Variants in UNC13C observed in about 807,000 individuals in gnomAD.
UNC13C encodes the protein protein unc-13 homolog C.
Under a neutral mutation model 245.4 loss-of-function variants are expected in UNC13C, and 174 were observed. That is an observed-to-expected ratio of 0.71 (90% CI 0.63 to 0.80). The LOEUF (loss-of-function observed/expected upper bound fraction) is 0.80, where lower values mean the gene tolerates loss of function less well. Among genes scored for constraint, UNC13C ranks in the 30% least tolerant of loss-of-function variants. UNC13C has a pLI of 0.00. For synonymous variants in UNC13C, 992 were observed against 895.1 expected, an observed-to-expected ratio of 1.11 and a Z score of -1.93; for missense variants, 2,829 against 2,602.9, an observed-to-expected ratio of 1.09 and a Z score of -1.89.
At chr15:54,099,604 A>AG (rs1900058736) in intron 2 of UNC13C, among the ~76,000 whole-genome samples, 1 of 152,154 alleles carries the variant, frequency 6.6e-6, no homozygotes, top group African/African-American at 2.4e-5. Flanking sequence ...TCAGAGGAGA[A>AG]GCCCATCATC....
chr15:54,304,074 C>A (rs1258343562), intron 13 of UNC13C, among the ~76,000 whole-genome samples: 1 of 151,734 alleles, frequency 6.6e-6, no homozygotes, highest in South Asian at 2.1e-4. Flanking sequence ...TGTAAAGGGC[C>A]AGATAGTAAA....
chr15:54,613,510 T>C (rs1900237162), intron 30 of UNC13C, among the ~76,000 whole-genome samples: 1 of 152,034 alleles, frequency 6.6e-6, no homozygotes, highest in African/African-American at 2.4e-5. Context: ...TGTACAATGA[T>C]ACTCATAATA....
At chr15:54,409,930 C>T (rs1440334673) in intron 18 of UNC13C, among the ~76,000 whole-genome samples, 4 of 152,264 alleles carry the variant, frequency 2.6e-5, no homozygotes, top group East Asian at 3.9e-4. Flanking sequence ...TTGTATTTTA[C>T]GTTCTTTGAG....
chr15:54,068,227 A>G (rs1306252403), intron 2 of UNC13C, among the ~76,000 whole-genome samples: 3 of 152,168 alleles, frequency 2.0e-5, no homozygotes, highest in Admixed American at 1.3e-4. Context: ...TGATTCATAG[A>G]CACTTTGAAA....
At chr15:54,249,311 G>T (rs1183623502) in intron 7 of UNC13C, among the ~76,000 whole-genome samples, 2 of 151,848 alleles carry the variant, frequency 1.3e-5, no homozygotes, top group African/African-American at 2.4e-5. Context: ...GACTACTTCT[G>T]TTATCATTAT....
At chr15:54,285,626 A>C (rs1555444120) in intron 10 of UNC13C, among the ~76,000 whole-genome samples, 1 of 152,176 alleles carries the variant, frequency 6.6e-6, no homozygotes, top group Non-Finnish European at 1.5e-5. Flanking sequence ...GTTTCTGCTG[A>C]TGATTTTCTC....
the UNC13C span, among the ~76,000 whole-genome samples, chr15:53,961,727 G>A: frequency 2.0e-5 from 3 of 152,162 alleles, no homozygotes. Flanking sequence ...TAACAACACA[G>A]ACATTCCTGA....
chr15:54,496,934 C>T (rs1371853096), intron 20 of UNC13C, among the ~76,000 whole-genome samples: 2 of 151,710 alleles, frequency 1.3e-5, no homozygotes, highest in African/African-American at 4.8e-5. Flanking sequence ...ATTCATGTAA[C>T]CAAACACCAC....
At chr15:54,546,898 A>G in intron 27 of UNC13C, 53 bp downstream of exon 27, 1 of 1,471,008 alleles carries the variant, frequency 6.8e-7, no homozygotes, top group Non-Finnish European at 9.1e-7. Flanking sequence ...TTTTTGGTTT[A>G]AGTGAATGGT....
At chr15:54,195,461 T>G (rs1041344759) in intron 4 of UNC13C, among the ~76,000 whole-genome samples, 11 of 152,164 alleles carry the variant, frequency 7.2e-5, no homozygotes, top group African/African-American at 2.4e-4. Context: ...ATTCAGTAAA[T>G]AGTATTGTGT....
Position 54,332,431 on chromosome 15 carries a change from C to T in UNC13C, c.4494+320C>T, listed in dbSNP as rs796552805. On this transcript the variant is annotated intron_variant, in intron 15 of 32. Transcript: ENST00000260323. The stretch of plus-strand genomic sequence containing the variant: ...CTAATTCATGAAGTAGACTATGGCC[C>T]AGTCCTCATTTTGAAAGCTCACCCT... Among the ~76,000 whole-genome samples the T allele has an allele frequency of 2.0e-5, 3 of 151,774 alleles. No homozygotes were observed. In the South Asian group the frequency reaches 6.2e-4, roughly 32 times the overall value.
At chr15:54,450,770 C>T (rs923148313) in intron 19 of UNC13C, among the ~76,000 whole-genome samples, 2 of 152,126 alleles carry the variant, frequency 1.3e-5, no homozygotes, top group African/African-American at 4.8e-5. Flanking sequence ...TGCACTGCGC[C>T]CACTGTCCTG....
At chr15:54,464,292 T>A (rs775553340) in intron 19 of UNC13C, among the ~76,000 whole-genome samples, 2 of 152,176 alleles carry the variant, frequency 1.3e-5, no homozygotes, top group Non-Finnish European at 2.9e-5. Context: ...ACTTTGTCAG[T>A]TTTTCTGCCA....
intron 25 of UNC13C, among the ~76,000 whole-genome samples, chr15:54,529,121 A>T (rs1250837426): frequency 6.6e-6 from 1 of 152,238 alleles, no homozygotes; most frequent in Non-Finnish European, 1.5e-5. Context: ...TCAAGGAACC[A>T]AATGTAAATG....
At chr15:53,897,837 C>G in the UNC13C span, among the ~76,000 whole-genome samples, 1 of 152,200 alleles carries the variant, frequency 6.6e-6, no homozygotes, top group South Asian at 2.1e-4. Context: ...TACCTTGACA[C>G]TTTCCAGATT....
chr15:53,889,163 T>C, the UNC13C span, among the ~76,000 whole-genome samples: 1 of 152,238 alleles, frequency 6.6e-6, no homozygotes, highest in Non-Finnish European at 1.5e-5. Flanking sequence ...TTTCACGATA[T>C]TGATTCTCCC....
At chr15:54,488,787 T>C (rs1893554543) in intron 19 of UNC13C, among the ~76,000 whole-genome samples, 1 of 152,194 alleles carries the variant, frequency 6.6e-6, no homozygotes, top group African/African-American at 2.4e-5. Context: ...AATTCAAAGA[T>C]TAAATTTTGT....
chr15:54,442,211 T>C (rs1383551079), intron 19 of UNC13C, among the ~76,000 whole-genome samples: 1 of 151,718 alleles, frequency 6.6e-6, no homozygotes, highest in Non-Finnish European at 1.5e-5. Context: ...CTAAATTGAA[T>C]TGAATGAAAT....
At position 54,627,116 on chromosome 15, in the gene UNC13C, C is replaced by T; in HGVS notation, c.*3C>T. 3 of 1,603,668 alleles carry T rather than the reference C, an allele frequency of 1.9e-6. No homozygotes were observed. Among genetic ancestry groups the T allele is most frequent in the Middle Eastern group, 1.7e-4 (1 of 5,986 alleles). ...GATCTACTGAAGAGAGTGCTTGAAA[C>T]AAACACTGCAAGCTAAATACATAAC... is the stretch of plus-strand genomic sequence containing the variant. On this transcript the variant is annotated 3_prime_UTR_variant, in exon 33 of 33. Transcript: ENST00000260323.
Sources: gnomAD v4.1 joint callset for allele counts (sites outside exome capture counted in the v4.1 genomes callset) on GRCh38, gnomAD v4.1.1 for gene constraint, MANE v1.5 for transcripts, NCBI Gene and HGNC (gene_info 2026-07-23, HGNC 2026-07-21) for gene names.